MYO16: variants seen among roughly 807,000 people sequenced by gnomAD.
The protein encoded by MYO16 is myosin XVI, also known as unconventional myosin-XVI.
In MYO16, 94 loss-of-function variants were observed where a neutral mutation model predicts 205.3. The observed-to-expected ratio is 0.46, with a 90% confidence interval of 0.39 to 0.54. The LOEUF is 0.54. MYO16 is among the 20% of genes least tolerant of loss of function. The pLI is 0.00. For synonymous variants in MYO16, 988 were observed against 954.0 expected (o/e 1.04, Z -0.66); for missense variants, 2,315 against 2,387.5 (o/e 0.97, Z 0.63).
chr13:108,565,447 G>A, the MYO16 span, among the ~76,000 whole-genome samples: 1 of 152,044 alleles, frequency 6.6e-6, no homozygotes, highest in Non-Finnish European at 1.5e-5. Context: ...TATTGCAAAT[G>A]GGATTACTTT....
At chr13:108,553,453 C>T in the MYO16 span, among the ~76,000 whole-genome samples, 1 of 152,146 alleles carries the variant, frequency 6.6e-6, no homozygotes, top group Admixed American at 6.5e-5. Context: ...CTTGACCCTA[C>T]CAGTCTGGAT....
chr13:108,611,955 ATTCTTTTTTTTTTT>A (rs1244082685), intron 1 of MYO16, among the ~76,000 whole-genome samples: 65 of 123,546 alleles, frequency 5.3e-4, no homozygotes, highest in Middle Eastern at 5.2e-3. Context: ...GGCAGGTAAT[ATTCTTTTTTTTTTT>A]TTCTTTTTTT....
chr13:108,761,260 C>T (rs574979288), intron 4 of MYO16, among the ~76,000 whole-genome samples: 1 of 152,158 alleles, frequency 6.6e-6, no homozygotes, highest in Non-Finnish European at 1.5e-5. Context: ...TTGACCCTTC[C>T]CAAAATACAG....
chr13:109,003,676 G>A (rs1182153740), intron 21 of MYO16, among the ~76,000 whole-genome samples: 1 of 152,082 alleles, frequency 6.6e-6, no homozygotes, highest in African/African-American at 2.4e-5. Flanking sequence ...TTAAACCAGG[G>A]GATCAATTCA....
At chr13:108,919,713 G>A (rs1425372913) in intron 16 of MYO16, among the ~76,000 whole-genome samples, 1 of 152,166 alleles carries the variant, frequency 6.6e-6, no homozygotes, top group Non-Finnish European at 1.5e-5. Context: ...CATTCTCAGG[G>A]TTGTTATGAG....
At chr13:108,732,032 A>G (rs914420718) in intron 4 of MYO16, among the ~76,000 whole-genome samples, 4 of 152,228 alleles carry the variant, frequency 2.6e-5, no homozygotes, top group African/African-American at 4.8e-5. Flanking sequence ...CTCTGAATAA[A>G]TGTTGATAAA....
At chr13:108,749,509 C>A (rs1233413375) in intron 4 of MYO16, among the ~76,000 whole-genome samples, 1 of 152,130 alleles carries the variant, frequency 6.6e-6, no homozygotes, top group Non-Finnish European at 1.5e-5. Context: ...AATAAGCATA[C>A]CAAAAGATGC....
At chr13:108,979,029 T>C (rs998802915) in intron 20 of MYO16, among the ~76,000 whole-genome samples, 1 of 152,066 alleles carries the variant, frequency 6.6e-6, no homozygotes, top group African/African-American at 2.4e-5. Flanking sequence ...ACATTTACAT[T>C]CCTGATACTG....
chr13:108,732,295 C>T (rs538657295), intron 4 of MYO16, among the ~76,000 whole-genome samples: 5 of 152,176 alleles, frequency 3.3e-5, no homozygotes, highest in African/African-American at 1.2e-4. Flanking sequence ...CAGAAAAAGC[C>T]CTGCCTTTTA....
chr13:108,783,636 A>T (rs764788568), intron 4 of MYO16, among the ~76,000 whole-genome samples: 7 of 152,156 alleles, frequency 4.6e-5, no homozygotes, highest in African/African-American at 9.7e-5. Flanking sequence ...CTTGAATTGT[A>T]TCTCCCAGAA....
At chr13:108,558,798 A>G in the MYO16 span, among the ~76,000 whole-genome samples, 3 of 152,196 alleles carry the variant, frequency 2.0e-5, no homozygotes, top group Non-Finnish European at 4.4e-5. Context: ...AACTCTAGGC[A>G]GGTGTAATAT....
At chr13:108,585,862 T>C in the MYO16 span, among the ~76,000 whole-genome samples, 1 of 152,188 alleles carries the variant, frequency 6.6e-6, no homozygotes, top group African/African-American at 2.4e-5. Context: ...TATATGTAGA[T>C]AAAAATATAA....
At chr13:109,148,724 G>T (rs1877479030) in intron 32 of MYO16, among the ~76,000 whole-genome samples, 1 of 152,214 alleles carries the variant, frequency 6.6e-6, no homozygotes, top group Non-Finnish European at 1.5e-5. Flanking sequence ...TGGGAAAAGT[G>T]AGGAGCCGCT....
At chr13:108,899,753 T>C (rs949623706) in intron 15 of MYO16, among the ~76,000 whole-genome samples, 3 of 152,304 alleles carry the variant, frequency 2.0e-5, no homozygotes, top group African/African-American at 7.2e-5. Flanking sequence ...TCTAAGTGGA[T>C]AGAAGTTCTC....
intron 31 of MYO16, among the ~76,000 whole-genome samples, chr13:109,131,494 T>G (rs1234714747): frequency 6.6e-6 from 1 of 152,218 alleles, no homozygotes; most frequent in Admixed American, 6.5e-5. Flanking sequence ...ATGTTAACAC[T>G]TCTTTGCAAA....
intron 11 of MYO16, among the ~76,000 whole-genome samples, chr13:108,858,429 A>G (rs947276038): frequency 6.6e-6 from 1 of 152,192 alleles, no homozygotes; most frequent in Non-Finnish European, 1.5e-5. Context: ...TGCACGTCTC[A>G]TGGCCTTTCC....
intron 14 of MYO16, among the ~76,000 whole-genome samples, chr13:108,894,617 A>G (rs942188579): frequency 1.3e-5 from 2 of 152,310 alleles, no homozygotes; most frequent in African/African-American, 2.4e-5. Context: ...GATTATATGC[A>G]GGTCAAACAC....
the MYO16 span, among the ~76,000 whole-genome samples, chr13:108,545,478 C>T: frequency 1.3e-5 from 2 of 152,076 alleles, no homozygotes. Flanking sequence ...AGTACATGTG[C>T]CTTTATGGTA....
intron 2 of MYO16, among the ~76,000 whole-genome samples, chr13:108,686,089 C>T (rs568997105): frequency 5.3e-5 from 8 of 152,314 alleles, no homozygotes; most frequent in African/African-American, 1.7e-4. Flanking sequence ...TGTTTCAGGA[C>T]GTAGCAGAGC....
Sources: allele counts gnomAD v4.1 joint callset (sites outside exome capture counted in the v4.1 genomes callset), GRCh38; gene constraint gnomAD v4.1.1; transcripts MANE v1.5; gene names NCBI Gene and HGNC (gene_info 2026-07-23, HGNC 2026-07-21).